CYP39A1: variants seen among roughly 807,000 people sequenced by gnomAD.
The protein encoded by CYP39A1 is 24-hydroxycholesterol 7-alpha-hydroxylase.
A neutral mutation model predicts 58.1 loss-of-function variants in CYP39A1; 49 were observed. That is an observed-to-expected ratio of 0.84 (90% confidence interval 0.67 to 1.07). The LOEUF is 1.07. CYP39A1 is among the 50% of genes least tolerant of loss of function. The pLI, the probability that CYP39A1 is intolerant of heterozygous loss-of-function variation, is 0.00. For missense variants in CYP39A1, 531 were observed against 539.4 expected (o/e 0.98, Z 0.16); for synonymous variants, 209 against 187.6 (o/e 1.11, Z -0.93).
intron 10 of CYP39A1, among the ~76,000 whole-genome samples, chr6:46,565,852 T>C (rs1318070874): frequency 1.3e-5 from 2 of 152,300 alleles, no homozygotes; most frequent in East Asian, 1.9e-4. Context: ...ATCATTACCC[T>C]ATGCTTATGA....
chr6:46,627,272 A>G (rs1213061840), intron 6 of CYP39A1, among the ~76,000 whole-genome samples: 1 of 152,182 alleles, frequency 6.6e-6, no homozygotes, highest in Non-Finnish European at 1.5e-5. Flanking sequence ...AAGCCATATT[A>G]CTTAGATTTT....
intron 8 of CYP39A1, among the ~76,000 whole-genome samples, chr6:46,595,051 G>A (rs1773064747): frequency 6.6e-6 from 1 of 151,722 alleles, no homozygotes; most frequent in Non-Finnish European, 1.5e-5. Context: ...ATGGCCAACA[G>A]GTATAAAAAA....
chr6:46,566,567 G>A (rs1771293970), intron 10 of CYP39A1, among the ~76,000 whole-genome samples: 1 of 152,006 alleles, frequency 6.6e-6, no homozygotes, highest in African/African-American at 2.4e-5. Flanking sequence ...ATATCCACCT[G>A]GTCTCTCCCT....
At chr6:46,627,854 A>C (rs1775417705) in intron 6 of CYP39A1, among the ~76,000 whole-genome samples, 1 of 152,230 alleles carries the variant, frequency 6.6e-6, no homozygotes, top group South Asian at 2.1e-4. Flanking sequence ...AATAAGCAAG[A>C]ATAAGTGACT....
In CYP39A1 at chr6:46,652,497, G is replaced by C; in HGVS notation, c.86C>G (p.Pro29Arg). Residue 29 changes from proline (P) to arginine (R), a missense_variant, in exon 1 of 12, where the codon CCC becomes CGC. Transcript: ENST00000275016. ...LLLQRKNLRR[P>R]PCIKGWIPWI... ...AGGAATCCAGCCCTTGATGCACGGGGGTCTACGCAAATTCTTCCGCTGAAG... is the reference window on the plus strand; with the variant it reads ...AGGAATCCAGCCCTTGATGCACGGGCGTCTACGCAAATTCTTCCGCTGAAG... 6.2e-7 allele frequency: 1 copy of C among 1,613,812 alleles called. No homozygotes were observed. Among genetic ancestry groups the C allele is most frequent in the Non-Finnish European group, 8.5e-7 (1 of 1,179,900 alleles).
intron 2 of CYP39A1, among the ~76,000 whole-genome samples, chr6:46,641,222 G>A (rs766796239): frequency 8.6e-5 from 13 of 151,906 alleles, no homozygotes; most frequent in Non-Finnish European, 1.3e-4. Flanking sequence ...AGGGATACGC[G>A]ACTCTACAGA....
chr6:46,650,790 A>G (rs947447491), intron 1 of CYP39A1, among the ~76,000 whole-genome samples: 1 of 152,164 alleles, frequency 6.6e-6, no homozygotes, highest in Non-Finnish European at 1.5e-5. Context: ...TGTTGGGATT[A>G]CAGGTGTGAG....
intron 7 of CYP39A1, among the ~76,000 whole-genome samples, chr6:46,614,431 G>C (rs1379544598): frequency 6.6e-6 from 1 of 152,126 alleles, no homozygotes; most frequent in African/African-American, 2.4e-5. Flanking sequence ...CTGGATTCAT[G>C]GCTTTCACAG....
chr6:46,626,164 C>A (rs1370903713), intron 6 of CYP39A1, among the ~76,000 whole-genome samples: 1 of 152,000 alleles, frequency 6.6e-6, no homozygotes, highest in African/African-American at 2.4e-5. Flanking sequence ...TCTCTCTTGG[C>A]CACTCAAACT....
intron 1 of CYP39A1, among the ~76,000 whole-genome samples, chr6:46,646,695 T>C (rs1432216114): frequency 6.6e-6 from 1 of 152,116 alleles, no homozygotes; most frequent in Non-Finnish European, 1.5e-5. Context: ...GCATAGAGAA[T>C]TCTTTTTGGG....
chr6:46,586,938 A>T (rs530593991), intron 10 of CYP39A1, 139 bp downstream of exon 10: 2 of 662,310 alleles, frequency 3.0e-6, no homozygotes, highest in South Asian at 4.1e-5. Context: ...ACCACAGATA[A>T]ACCAGACAAA....
intron 3 of CYP39A1, 146 bp downstream of exon 3, chr6:46,639,347 AT>A: frequency 6.2e-5 from 46 of 741,254 alleles, no homozygotes; most frequent in Non-Finnish European, 8.5e-5. Context: ...AAAAAAAATA[AT>A]TTAAAAGATT....
rs575067350 is a variant in CYP39A1 at position 46,618,350 on chromosome 6, T to C, written c.931+7068A>G. On this transcript the variant is annotated intron_variant, in intron 7 of 11. Transcript: ENST00000275016. ...TTCAACTCAGGCAGTCTGACCCTAG[T>C]GTCCACACTACATTATGAGGTTATG... 4.9e-4 allele frequency among the ~76,000 whole-genome samples: 74 copies of C among 152,200 alleles called. 1 individual carries two copies. The highest frequency in any genetic ancestry group is 8.7e-4 in the Non-Finnish European group (59 of 68,026).
At chr6:46,593,715 T>G (rs1421775034) in intron 8 of CYP39A1, among the ~76,000 whole-genome samples, 2 of 152,156 alleles carry the variant, frequency 1.3e-5, no homozygotes, top group Non-Finnish European at 2.9e-5. Flanking sequence ...AGTAGAGGAC[T>G]GATTAAATGT....
intron 8 of CYP39A1, 66 bp from the exon 9 acceptor site, chr6:46,588,195 T>C (rs1772594503): frequency 1.1e-6 from 1 of 876,090 alleles, no homozygotes; most frequent in Non-Finnish European, 1.8e-6. Flanking sequence ...TTTGGGCCAC[T>C]AAAAATGATG....
intron 10 of CYP39A1, among the ~76,000 whole-genome samples, chr6:46,578,196 G>C (rs1665735263): frequency 1.3e-5 from 2 of 151,952 alleles, no homozygotes; most frequent in African/African-American, 4.8e-5. Context: ...TGAAATTAAG[G>C]CAGAAATAAA....
intron 1 of CYP39A1, among the ~76,000 whole-genome samples, chr6:46,647,830 T>A (rs1762422037): frequency 6.6e-6 from 1 of 152,306 alleles, no homozygotes; most frequent in Admixed American, 6.5e-5. Flanking sequence ...GGGTTGTTTT[T>A]TTCTTGTAAA....
At chr6:46,612,081 C>A (rs914246627) in intron 7 of CYP39A1, among the ~76,000 whole-genome samples, 2 of 152,122 alleles carry the variant, frequency 1.3e-5, no homozygotes, top group Non-Finnish European at 2.9e-5. Flanking sequence ...AACCTATCTC[C>A]AAGCTTATAA....
intron 5 of CYP39A1, among the ~76,000 whole-genome samples, chr6:46,633,412 G>T (rs2150583475): frequency 1.3e-5 from 2 of 152,222 alleles, no homozygotes; most frequent in Middle Eastern, 6.8e-3. Context: ...CATTAATGAT[G>T]CAATAAAGCG....
Sources: allele counts gnomAD v4.1 joint callset (sites outside exome capture counted in the v4.1 genomes callset), GRCh38; gene constraint gnomAD v4.1.1; transcripts MANE v1.5; gene names NCBI Gene and HGNC (gene_info 2026-07-23, HGNC 2026-07-21).